The following GARNL3 variants were observed in gnomAD, a reference collection of about 807,000 sequenced individuals.
The protein encoded by GARNL3 is GTPase-activating Rap/Ran-GAP domain-like protein 3.
In GARNL3, 63 loss-of-function variants were observed where a neutral mutation model predicts 125.0. That is an observed-to-expected ratio of 0.50 (90% confidence interval 0.41 to 0.62). The LOEUF (loss-of-function observed/expected upper bound fraction) is 0.62. GARNL3 is among the 20% of genes least tolerant of loss of function. GARNL3 has a pLI of 0.00. For missense variants in GARNL3, 994 were observed against 1,244.0 expected, an observed-to-expected ratio of 0.80 and a Z score of 3.02; for synonymous variants, 439 against 457.5, an observed-to-expected ratio of 0.96 and a Z score of 0.52.
chr9:127,230,656 CAAA>C (rs1178159379), intron 1 of GARNL3, among the ~76,000 whole-genome samples: 8 of 109,436 alleles, frequency 7.3e-5, no homozygotes, highest in Admixed American at 9.5e-5. Context: ...TCCATCTCAC[CAAA>C]AAAAAAAAAA....
At chr9:127,343,988 C>T (rs1318212455) in intron 14 of GARNL3, among the ~76,000 whole-genome samples, 1 of 152,028 alleles carries the variant, frequency 6.6e-6, no homozygotes, top group Non-Finnish European at 1.5e-5. Context: ...GATACAGCTG[C>T]AGGTCTGCTG....
At chr9:127,318,697 T>C (rs1382142165) in intron 5 of GARNL3, among the ~76,000 whole-genome samples, 1 of 152,088 alleles carries the variant, frequency 6.6e-6, no homozygotes, top group Admixed American at 6.5e-5. Context: ...CTCCCATGCT[T>C]AGGTGGCAGC....
chr9:127,324,707 C>A (rs1465194805), intron 6 of GARNL3, among the ~76,000 whole-genome samples: 2 of 152,342 alleles, frequency 1.3e-5, no homozygotes, highest in Middle Eastern at 6.8e-3. Flanking sequence ...AGGTCTTCCA[C>A]ACACGCTGAC....
intron 2 of GARNL3, among the ~76,000 whole-genome samples, chr9:127,257,121 G>T (rs1341822596): frequency 2.0e-5 from 3 of 152,160 alleles, no homozygotes; most frequent in Admixed American, 6.5e-5. Flanking sequence ...CCTTTTAATT[G>T]CTCAATAGTA....
At chr9:127,274,679 T>C (rs2063908282) in intron 1 of GARNL3, among the ~76,000 whole-genome samples, 1 of 152,216 alleles carries the variant, frequency 6.6e-6, no homozygotes, top group Non-Finnish European at 1.5e-5. Flanking sequence ...GTTGTTTGAC[T>C]CCAGTAGTCT....
intron 19 of GARNL3, among the ~76,000 whole-genome samples, 189 bp downstream of exon 19, chr9:127,354,599 A>G (rs1225889745): frequency 6.6e-6 from 1 of 152,256 alleles, no homozygotes; most frequent in African/African-American, 2.4e-5. Context: ...ATTGAGGACT[A>G]GAAGAAATTC....
chr9:127,325,147 A>G (rs2065529293), intron 7 of GARNL3, 52 bp downstream of exon 7: 9 of 1,556,496 alleles, frequency 5.8e-6, no homozygotes, highest in East Asian at 2.2e-5. Flanking sequence ...ATGTTTGTAA[A>G]TATATTTCTC....
intron 5 of GARNL3, among the ~76,000 whole-genome samples, chr9:127,319,963 G>T (rs970590855): frequency 1.3e-5 from 2 of 152,150 alleles, no homozygotes; most frequent in Non-Finnish European, 2.9e-5. Flanking sequence ...GCAGAGAAAA[G>T]ATTTTATCTT....
At chr9:127,314,627 C>T (rs1195604181) in intron 4 of GARNL3, among the ~76,000 whole-genome samples, 1 of 150,994 alleles carries the variant, frequency 6.6e-6, no homozygotes, top group East Asian at 2.0e-4. Context: ...CTGGAATGGA[C>T]TTTCTCAATG....
intron 17 of GARNL3, among the ~76,000 whole-genome samples, chr9:127,350,788 GTAAT>G (rs1046609462): frequency 3.3e-5 from 5 of 151,286 alleles, no homozygotes; most frequent in African/African-American, 9.7e-5. Context: ...AAAAAAAAAA[GTAAT>G]AAAATCCTTA....
rs912098270 is a variant in GARNL3, at chr9:127,351,997, T to A, written c.1544-1849T>A. Among the ~76,000 whole-genome samples the A allele has an allele frequency of 2.6e-5, 4 of 152,234 alleles. No homozygotes were observed. In the East Asian group the frequency reaches 7.7e-4, roughly 29 times the overall value. Reference sequence around the variant, plus strand: ...GAAAGACTGGATGGAGATTAAGTGCTAATTCACTCTGTACACAGCTCGGCA... The same window carrying A: ...GAAAGACTGGATGGAGATTAAGTGCAAATTCACTCTGTACACAGCTCGGCA... On this transcript the variant is annotated intron_variant, in intron 17 of 27. Coordinates refer to ENST00000373387, the MANE Select transcript of GARNL3 (RefSeq NM_032293.5).
chr9:127,228,578 A>C (rs1159461871), intron 1 of GARNL3, among the ~76,000 whole-genome samples: 1 of 152,288 alleles, frequency 6.6e-6, no homozygotes, highest in African/African-American at 2.4e-5. Context: ...ACTTATTTTT[A>C]TGAAATATAG....
intron 2 of GARNL3, among the ~76,000 whole-genome samples, chr9:127,299,330 GA>G (rs1564894617): frequency 3.3e-4 from 3 of 9,028 alleles, no homozygotes; most frequent in African/African-American, 1.3e-3. Context: ...AAAAAAAAAA[GA>G]AAGAGAAAAG....
At chr9:127,323,140 C>T (rs1229934864) in intron 6 of GARNL3, among the ~76,000 whole-genome samples, 2 of 152,106 alleles carry the variant, frequency 1.3e-5, no homozygotes, top group Admixed American at 1.3e-4. Context: ...ATGCATACAT[C>T]AAAAGTAATG....
chr9:127,314,730 GA>G (rs948574385), intron 4 of GARNL3, among the ~76,000 whole-genome samples: 46 of 152,290 alleles, frequency 3.0e-4, no homozygotes, highest in African/African-American at 1.1e-3. Context: ...AATGCAGGGG[GA>G]ACATTTGCTT....
intron 2 of GARNL3, among the ~76,000 whole-genome samples, chr9:127,244,091 T>A (rs2063251642): frequency 6.6e-6 from 1 of 152,214 alleles, no homozygotes; most frequent in African/African-American, 2.4e-5. Context: ...TAAAAATCAT[T>A]TATGCCTGAG....
chr9:127,302,401 G>A (rs923821451), intron 2 of GARNL3, among the ~76,000 whole-genome samples: 5 of 152,134 alleles, frequency 3.3e-5, no homozygotes, highest in African/African-American at 1.2e-4. Context: ...ACTGGAAACA[G>A]CATCAATTTC....
chr9:127,336,539 AATT>A (rs1195186583), intron 11 of GARNL3, among the ~76,000 whole-genome samples: 1 of 152,214 alleles, frequency 6.6e-6, no homozygotes, highest in Admixed American at 6.5e-5. Flanking sequence ...GATTTAGAAG[AATT>A]ATAGGTGCTG....
chr9:127,289,554 G>T (rs533898152), intron 1 of GARNL3, among the ~76,000 whole-genome samples: 2 of 152,304 alleles, frequency 1.3e-5, no homozygotes, highest in African/African-American at 2.4e-5. Flanking sequence ...CTGAATTGCG[G>T]TATCCAGAGT....
Sources: allele counts gnomAD v4.1 joint callset (sites outside exome capture counted in the v4.1 genomes callset), GRCh38; gene constraint gnomAD v4.1.1; transcripts MANE v1.5; gene names NCBI Gene and HGNC (gene_info 2026-07-23, HGNC 2026-07-21).